SHPRH: variants seen among roughly 807,000 people sequenced by gnomAD.
The protein encoded by SHPRH is E3 ubiquitin-protein ligase SHPRH.
Under a neutral mutation model 202.5 loss-of-function variants are expected in SHPRH, and 106 were observed. The observed-to-expected ratio is 0.52, with a 90% confidence interval of 0.45 to 0.62. SHPRH has a LOEUF of 0.62. Ranked by LOEUF, SHPRH falls within the 20% of genes least tolerant of loss-of-function variation. The pLI is 0.00. For missense variants in SHPRH, 1,710 were observed against 2,020.0 expected (o/e 0.85, Z 2.94); for synonymous variants, 729 against 686.0 (o/e 1.06, Z -0.98).
intron 2 of SHPRH, chr6:145,877,884 T>G (rs1256059598): frequency 6.6e-6 from 1 of 152,188 alleles, no homozygotes; most frequent in East Asian, 1.9e-4. Context: ...GGCCCCACTT[T>G]GAGTTGTCTC....
chr6:145,876,904 A>C (rs889891231), intron 2 of SHPRH: 3 of 152,232 alleles, frequency 2.0e-5, no homozygotes, highest in African/African-American at 7.2e-5. Context: ...TACAGAAAAC[A>C]ACCATCTGCA....
chr6:145,918,346 T>A, intron 22 of SHPRH, 114 bp from the exon 23 acceptor site: 1 of 667,406 alleles, frequency 1.5e-6, no homozygotes, highest in South Asian at 4.2e-5. Context: ...AAAAACCTAT[T>A]TACATTCTAA....
At chr6:145,864,194 C>T (rs1779670509), downstream of SHPRH, 1 of 198,458 alleles carries the variant, frequency 5.0e-6, no homozygotes, top group African/African-American at 2.4e-5. Context: ...ATTCTCACTT[C>T]CTCATTTCTT....
Position 145,922,847 on chromosome 6 carries a change from C to T in SHPRH, c.3546-11G>A. On this transcript the variant is annotated splice_polypyrimidine_tract_variant and intron_variant, in intron 18 of 29. Transcript: ENST00000275233. ...CTGCAATCACGGAACCTGATTCCCA[C>T]ACCAGCACCACACACAATACAAAGA... The T allele has an allele frequency of 6.3e-7, 1 of 1,599,944 alleles. No homozygotes were observed. Among genetic ancestry groups the T allele is most frequent in the Non-Finnish European group, 8.5e-7 (1 of 1,173,496 alleles).
chr6:145,932,964 TCCC>T (rs55757353), intron 14 of SHPRH, 90 bp downstream of exon 14: 7 of 1,150,364 alleles, frequency 6.1e-6, no homozygotes, highest in Middle Eastern at 2.8e-4. Context: ...GGGGGAAAAA[TCCC>T]CCCCCCAAAA....
intron 28 of SHPRH, among the ~76,000 whole-genome samples, chr6:145,889,240 A>T (rs1307369305): frequency 1.3e-5 from 2 of 152,032 alleles, no homozygotes; most frequent in Admixed American, 1.3e-4. Flanking sequence ...TAGACAAAGA[A>T]CCCTCAGACC....
rs373798196 is a variant in SHPRH at position 145,922,593 on chromosome 6, G to GT, written c.3719+69dup. 1.1e-5 allele frequency: 16 copies of GT among 1,501,070 alleles called. No homozygotes were observed. The African/African-American group carries it at 2.1e-4, about 20-fold the overall frequency. 93.0% of individuals were successfully genotyped at this position (1,501,070 alleles called of 1,614,324 possible). On this transcript the variant is annotated intron_variant, in intron 19 of 29. Coordinates refer to ENST00000275233, the MANE Select transcript of SHPRH (RefSeq NM_001042683.3). ...AAAACCTTTACTATATGAGTCAATTGTTTCTTCTCTAAGAAATCTAGCTTA... is the reference window on the plus strand; with the variant it reads ...AAAACCTTTACTATATGAGTCAATTGTTTTCTTCTCTAAGAAATCTAGCTTA...
chr6:145,955,496 T>A, intron 1 of SHPRH, 142 bp from the exon 2 acceptor site: 1 of 696,384 alleles, frequency 1.4e-6, no homozygotes, highest in South Asian at 2.6e-5. Flanking sequence ...ATGAGTAATT[T>A]TTTTACCAGG....
At chr6:145,884,063 T>G (rs999771967), downstream of SHPRH, 6 of 152,202 alleles carry the variant, frequency 3.9e-5, no homozygotes, top group African/African-American at 1.4e-4. Flanking sequence ...TCTTACTTTA[T>G]CCACCTGACA....
In SHPRH at chr6:145,955,155, A is replaced by G; in HGVS notation, c.168T>C (p.Ile56=). Residue 56 remains isoleucine (I), a synonymous_variant, in exon 2 of 30, where the codon ATT becomes ATC. Coordinates refer to ENST00000275233, the MANE Select transcript of SHPRH (RefSeq NM_001042683.3). ...CTTCTTCCTTTAGACTATCACTTAGAATGATATAATGAGCAGAAGAGGTAT... is the reference window on the plus strand; with the variant it reads ...CTTCTTCCTTTAGACTATCACTTAGGATGATATAATGAGCAGAAGAGGTAT... ...GSDTSSAHYI[I]LSDSLKEEVA... 2 of 1,613,854 alleles carry G rather than the reference A, an allele frequency of 1.2e-6. No homozygotes were observed. Among genetic ancestry groups the G allele is most frequent in the Non-Finnish European group, 8.5e-7 (1 of 1,179,958 alleles).
chr6:145,960,210 GCAATGGT>G (rs66504657), intron 1 of SHPRH, among the ~76,000 whole-genome samples: 82,894 of 151,500 alleles, frequency 0.55, 23,126 homozygotes, highest in Admixed American at 0.67. Flanking sequence ...GTTCTTTATG[GCAATGGT>G]TGAGGTGTAT....
chr6:145,959,770 C>G (rs1011502969), intron 1 of SHPRH, among the ~76,000 whole-genome samples: 24 of 152,182 alleles, frequency 1.6e-4, no homozygotes, highest in African/African-American at 5.3e-4. Flanking sequence ...ATTCTATTCC[C>G]TTAGCCCGTG....
At chr6:145,936,226 G>GA (rs199659371) in intron 11 of SHPRH, among the ~76,000 whole-genome samples, 59 of 141,168 alleles carry the variant, frequency 4.2e-4, no homozygotes, top group South Asian at 6.7e-4. Context: ...ATATGAAGTG[G>GA]AAAAAAAAAA....
intron 2 of SHPRH, among the ~76,000 whole-genome samples, chr6:145,874,106 G>A (rs904612003): frequency 2.6e-5 from 4 of 152,094 alleles, no homozygotes; most frequent in African/African-American, 9.7e-5. Context: ...GCTGAGGCAG[G>A]AGAATCACTT....
At chr6:145,858,792 G>A in the SHPRH span, among the ~76,000 whole-genome samples, 1 of 151,964 alleles carries the variant, frequency 6.6e-6, no homozygotes, top group Non-Finnish European at 1.5e-5. Flanking sequence ...CAATAAATGT[G>A]TCACAGAACT....
intron 12 of SHPRH, 50 bp downstream of exon 12, chr6:145,935,228 G>A: frequency 6.3e-7 from 1 of 1,599,868 alleles, no homozygotes; most frequent in Non-Finnish European, 8.5e-7. Context: ...CATCCCAATT[G>A]TTTCTTTTCT....
chr6:145,926,089 AG>A, intron 16 of SHPRH, 114 bp downstream of exon 16: 1 of 969,842 alleles, frequency 1.0e-6, no homozygotes. Flanking sequence ...TCAAAGTAAC[AG>A]GAAAACATGA....
intron 23 of SHPRH, among the ~76,000 whole-genome samples, chr6:145,914,919 T>C (rs541600865): frequency 1.3e-5 from 2 of 152,112 alleles, no homozygotes; most frequent in South Asian, 4.1e-4. Context: ...AAAAAATATG[T>C]ATTCTGAAGC....
intron 2 of SHPRH, chr6:145,876,687 T>A (rs920201217): frequency 6.6e-6 from 1 of 152,242 alleles, no homozygotes; most frequent in Admixed American, 6.5e-5. Context: ...ATTATTATTA[T>A]AGGCTGAACT....
Sources: allele counts gnomAD v4.1 joint callset (sites outside exome capture counted in the v4.1 genomes callset), GRCh38; gene constraint gnomAD v4.1.1; transcripts MANE v1.5; gene names NCBI Gene and HGNC (gene_info 2026-07-23, HGNC 2026-07-21).